RPA3: variants seen among roughly 807,000 people sequenced by gnomAD.
RPA3 encodes replication protein A 14 kDa subunit.
Under a neutral mutation model 13.7 loss-of-function variants are expected in RPA3, and 24 were observed. That is an observed-to-expected ratio of 1.75 (90% CI 1.27 to 2.46). The LOEUF (loss-of-function observed/expected upper bound fraction) is 2.46, where lower values mean the gene tolerates loss of function less well. RPA3 is among the 30% of genes most tolerant of loss of function. RPA3 has a pLI of 0.00. For synonymous variants in RPA3, 59 were observed against 51.2 expected, an observed-to-expected ratio of 1.15 and a Z score of -0.65; for missense variants, 183 against 151.0, an observed-to-expected ratio of 1.21 and a Z score of -1.11.
intron 4 of RPA3, among the ~76,000 whole-genome samples, chr7:7,647,632 G>A (rs1563080942): frequency 6.6e-6 from 1 of 152,154 alleles, no homozygotes; most frequent in South Asian, 2.1e-4. Flanking sequence ...TTAAGAGACA[G>A]GGTCTTCCTC....
intron 4 of RPA3, among the ~76,000 whole-genome samples, chr7:7,680,549 A>G (rs1170069968): frequency 2.0e-5 from 3 of 152,080 alleles, no homozygotes; most frequent in East Asian, 3.9e-4. Flanking sequence ...TATAAATGTT[A>G]GGATTATTTT....
At chr7:7,661,844 G>A (rs1377328308) in intron 4 of RPA3, among the ~76,000 whole-genome samples, 1 of 152,214 alleles carries the variant, frequency 6.6e-6, no homozygotes, top group Non-Finnish European at 1.5e-5. Context: ...TGTGCTGGGA[G>A]ATGTACTGCT....
intron 5 of RPA3, 163 bp downstream of exon 5, chr7:7,640,157 G>T: frequency 2.8e-6 from 2 of 708,858 alleles, no homozygotes; most frequent in Non-Finnish European, 2.4e-6. Flanking sequence ...GCCAAAATGG[G>T]GCTACAACGG....
At chr7:7,673,189 G>C (rs2115108066) in intron 4 of RPA3, 1 of 724,944 alleles carries the variant, frequency 1.4e-6, no homozygotes, top group Admixed American at 2.1e-5. Flanking sequence ...GGTTTTACAT[G>C]TGGCCATAGA....
chr7:7,676,521 T>C (rs770643918), intron 4 of RPA3, among the ~76,000 whole-genome samples: 47 of 152,350 alleles, frequency 3.1e-4, no homozygotes, highest in Non-Finnish European at 5.9e-4. Flanking sequence ...TTCTAAGACA[T>C]TATTGACATC....
chr7:7,677,320 G>C (rs1197021567), intron 4 of RPA3, among the ~76,000 whole-genome samples: 1 of 151,370 alleles, frequency 6.6e-6, no homozygotes, highest in Non-Finnish European at 1.5e-5. Flanking sequence ...TCACCCTATT[G>C]TGCTACCAAA....
At chr7:7,707,763 T>G (rs562710596) in intron 2 of RPA3, among the ~76,000 whole-genome samples, 5 of 152,350 alleles carry the variant, frequency 3.3e-5, no homozygotes, top group African/African-American at 1.2e-4. Flanking sequence ...TGGGCATTTG[T>G]AGTCCTTTTC....
chr7:7,694,104 G>T (rs1013669164), intron 2 of RPA3, among the ~76,000 whole-genome samples: 2 of 152,262 alleles, frequency 1.3e-5, no homozygotes, highest in African/African-American at 4.8e-5. Context: ...GGGGCACTAT[G>T]AAGTAGTTGG....
At chr7:7,671,451 A>G (rs1476847252) in intron 4 of RPA3, among the ~76,000 whole-genome samples, 1 of 152,210 alleles carries the variant, frequency 6.6e-6, no homozygotes, top group East Asian at 1.9e-4. Flanking sequence ...TATCAGCTAT[A>G]TACCCTTTAT....
chr7:7,667,072 G>A (rs1037149601), intron 4 of RPA3, among the ~76,000 whole-genome samples: 3 of 152,208 alleles, frequency 2.0e-5, no homozygotes, highest in Non-Finnish European at 2.9e-5. Flanking sequence ...GCCCCGCAAA[G>A]TGCTGGGATT....
At chr7:7,718,083 T>G (rs1168697236) in intron 1 of RPA3, among the ~76,000 whole-genome samples, 2 of 152,250 alleles carry the variant, frequency 1.3e-5, no homozygotes. Flanking sequence ...CATTCACTTA[T>G]TAACTTCACA....
chr7:7,649,289 A>G (rs1222595008), intron 4 of RPA3, among the ~76,000 whole-genome samples: 1 of 152,206 alleles, frequency 6.6e-6, no homozygotes, highest in Non-Finnish European at 1.5e-5. Context: ...TGAGGAAGAC[A>G]GAAAGGCAAG....
chr7:7,637,165 TCC>T (rs1784879349), intron 7 of RPA3, 83 bp from the exon 8 acceptor site: 2 of 999,566 alleles, frequency 2.0e-6, no homozygotes, highest in East Asian at 4.8e-5. Flanking sequence ...TTTACCTATT[TCC>T]TTTTTCTCAC....
chr7:7,658,933 C>G (rs1327771020), intron 4 of RPA3, among the ~76,000 whole-genome samples: 1 of 152,100 alleles, frequency 6.6e-6, no homozygotes, highest in Non-Finnish European at 1.5e-5. Flanking sequence ...TCCATCTGTT[C>G]CTGGACTTTT....
At chr7:7,676,490 A>T (rs1388931695) in intron 4 of RPA3, among the ~76,000 whole-genome samples, 1 of 152,184 alleles carries the variant, frequency 6.6e-6, no homozygotes, top group South Asian at 2.1e-4. Context: ...TTTGTAAAAA[A>T]AGTTATATCA....
chr7:7,640,539 G>T lies in RPA3; in HGVS notation c.-121C>A. 1.1e-6 allele frequency: 1 copy of T among 884,326 alleles called. No homozygotes were observed. The allele number at this position is 884,326 out of a possible 1,614,324, so 54.8% of individuals were successfully genotyped here. Reference sequence around the variant, plus strand: ...CAGCGAAGACTAGCGCTCCAGCTTCGCCAATTAAATGCGCGGAAACCTAAA... The same window carrying T: ...CAGCGAAGACTAGCGCTCCAGCTTCTCCAATTAAATGCGCGGAAACCTAAA... On this transcript the variant is annotated 5_prime_UTR_variant, in exon 5 of 8. Transcript: ENST00000223129.
At chr7:7,683,899 A>G (rs1034905246) in intron 4 of RPA3, among the ~76,000 whole-genome samples, 4 of 152,172 alleles carry the variant, frequency 2.6e-5, no homozygotes, top group African/African-American at 9.6e-5. Flanking sequence ...CTGGGATTAT[A>G]GGCGTGAGCC....
rs28915976 is a variant in RPA3, at chr7:7,682,971, G to A, written c.-758+2859C>T. Among the ~76,000 whole-genome samples, 157 of 152,294 alleles carry A rather than the reference G, an allele frequency of 1.0e-3. 2 individuals are homozygous for A. The highest frequency in any genetic ancestry group is 3.5e-3 in the African/African-American group (147 of 41,562). ...CTGGTTTACCTGTTAATCTAGCAGCGTTTCAGTTTCAGTTTTTCGGAGGTG... is the reference window on the plus strand; with the variant it reads ...CTGGTTTACCTGTTAATCTAGCAGCATTTCAGTTTCAGTTTTTCGGAGGTG... On this transcript the variant is annotated intron_variant, in intron 4 of 7. Transcript: ENST00000223129.
intron 2 of RPA3, among the ~76,000 whole-genome samples, chr7:7,699,057 G>T (rs890900198): frequency 1.3e-5 from 2 of 150,810 alleles, no homozygotes; most frequent in Non-Finnish European, 3.0e-5. Flanking sequence ...TGTGGGGGGG[G>T]GGTAGATACC....
Sources: allele counts gnomAD v4.1 joint callset (sites outside exome capture counted in the v4.1 genomes callset), GRCh38; gene constraint gnomAD v4.1.1; transcripts MANE v1.5; gene names NCBI Gene and HGNC (gene_info 2026-07-23, HGNC 2026-07-21).